ZFYVE9: variants seen among roughly 807,000 people sequenced by gnomAD.
ZFYVE9 encodes the protein zinc finger FYVE domain-containing protein 9.
A neutral mutation model predicts 126.7 loss-of-function variants in ZFYVE9; 43 were observed. The ratio of observed to expected loss-of-function variants is 0.34; its 90% CI spans 0.27 to 0.44. The LOEUF is 0.44. ZFYVE9 is among the 20% of genes least tolerant of loss of function. The pLI is 1.00. For missense variants in ZFYVE9, 1,476 were observed against 1,697.0 expected, an observed-to-expected ratio of 0.87 and a Z score of 2.29; for synonymous variants, 521 against 597.4, an observed-to-expected ratio of 0.87 and a Z score of 1.87.
At chr1:52,274,328 A>T in intron 7 of ZFYVE9, 136 bp from the exon 8 acceptor site, 1 of 1,068,786 alleles carries the variant, frequency 9.4e-7, no homozygotes, top group African/African-American at 1.6e-5. Flanking sequence ...TCCATGGGTT[A>T]ATGAATATTT....
intron 13 of ZFYVE9, among the ~76,000 whole-genome samples, chr1:52,315,458 T>C (rs1338615999): frequency 3.3e-5 from 5 of 152,018 alleles, no homozygotes; most frequent in African/African-American, 1.2e-4. Context: ...TAAATAGTAA[T>C]GTATTGCGGA....
At chr1:52,186,824 A>G (rs1644769806) in intron 1 of ZFYVE9, among the ~76,000 whole-genome samples, 1 of 152,246 alleles carries the variant, frequency 6.6e-6, no homozygotes, top group Non-Finnish European at 1.5e-5. Context: ...CAGAGATGAC[A>G]CAAACAAATG....
At chr1:52,327,499 G>A (rs966051633) in intron 13 of ZFYVE9, among the ~76,000 whole-genome samples, 2 of 151,542 alleles carry the variant, frequency 1.3e-5, no homozygotes, top group African/African-American at 4.9e-5. Flanking sequence ...CTACTCGGGA[G>A]GCTGAGGCAG....
At chr1:52,150,297 G>C (rs1644342430) in intron 1 of ZFYVE9, 1 of 152,298 alleles carries the variant, frequency 6.6e-6, no homozygotes, top group Non-Finnish European at 1.5e-5. Context: ...TGCCTAAGGA[G>C]GGGTGAACTG....
At chr1:52,155,898 T>C (rs763170341) in intron 1 of ZFYVE9, among the ~76,000 whole-genome samples, 7 of 152,238 alleles carry the variant, frequency 4.6e-5, no homozygotes, top group Non-Finnish European at 8.8e-5. Flanking sequence ...TTGCGACCAC[T>C]GGACTCTTAA....
intron 12 of ZFYVE9, among the ~76,000 whole-genome samples, chr1:52,299,781 C>T (rs1055385409): frequency 6.6e-6 from 1 of 152,196 alleles, no homozygotes; most frequent in Non-Finnish European, 1.5e-5. Flanking sequence ...TGGAGAGATG[C>T]AGTGGCAATT....
chr1:52,249,315 TA>T (rs749145966), intron 4 of ZFYVE9, among the ~76,000 whole-genome samples: 1 of 152,232 alleles, frequency 6.6e-6, no homozygotes, highest in Non-Finnish European at 1.5e-5. Flanking sequence ...ACTTGTTTTC[TA>T]TTGTTTTGAT....
intron 1 of ZFYVE9, among the ~76,000 whole-genome samples, chr1:52,174,874 C>G (rs1644609381): frequency 6.6e-6 from 1 of 152,074 alleles, no homozygotes; most frequent in Non-Finnish European, 1.5e-5. Context: ...TTCCTCCATC[C>G]TTTTATTTTG....
intron 4 of ZFYVE9, among the ~76,000 whole-genome samples, chr1:52,256,613 A>G (rs896446050): frequency 6.6e-5 from 10 of 152,176 alleles, no homozygotes; most frequent in African/African-American, 2.4e-4. Flanking sequence ...AGTTGGATAT[A>G]ATATTGAAAG....
chr1:52,203,163 G>A (rs1041033989), intron 1 of ZFYVE9, among the ~76,000 whole-genome samples: 7 of 151,380 alleles, frequency 4.6e-5, no homozygotes, highest in East Asian at 2.0e-4. Context: ...TTACTCCTCC[G>A]TAGGTATAGT....
chr1:52,322,527 A>G (rs1414139708), intron 13 of ZFYVE9, among the ~76,000 whole-genome samples: 1 of 150,374 alleles, frequency 6.7e-6, no homozygotes, highest in Admixed American at 6.6e-5. Flanking sequence ...ACAGGTGTGC[A>G]CCACCATGCC....
chr1:52,179,713 A>G (rs1208834627), intron 1 of ZFYVE9: 1 of 357,434 alleles, frequency 2.8e-6, no homozygotes, highest in African/African-American at 2.1e-5. Context: ...AGGAAAATCA[A>G]TAGAGAGTAT....
chr1:52,293,374 C>G (rs1332559000), intron 10 of ZFYVE9, 79 bp from the exon 11 acceptor site: 5 of 949,348 alleles, frequency 5.3e-6, no homozygotes, highest in African/African-American at 2.6e-5. Context: ...CAGACTCCGT[C>G]TCAAAAAAAA....
At chr1:52,206,907 A>G (rs939506447) in intron 1 of ZFYVE9, among the ~76,000 whole-genome samples, 4 of 152,156 alleles carry the variant, frequency 2.6e-5, no homozygotes, top group Non-Finnish European at 5.9e-5. Flanking sequence ...CAGCCTCCAT[A>G]ATTTTGTGAG....
At chr1:52,160,495 T>G in intron 1 of ZFYVE9, 1 of 793,998 alleles carries the variant, frequency 1.3e-6, no homozygotes. Context: ...TTTCTTCACC[T>G]GAAGCGGCTA....
intron 13 of ZFYVE9, among the ~76,000 whole-genome samples, chr1:52,319,308 C>G (rs767162053): frequency 2.0e-5 from 3 of 152,022 alleles, no homozygotes; most frequent in Admixed American, 1.3e-4. Flanking sequence ...CAATCCCAAT[C>G]AAAATACGAG....
chr1:52,266,511 C>G (rs45465801), intron 5 of ZFYVE9, 144 bp from the exon 6 acceptor site: 22,748 of 486,422 alleles, frequency 0.047, 630 homozygotes, highest in Middle Eastern at 0.13. Flanking sequence ...AATCACCTAT[C>G]TCTTTAATAC....
intron 1 of ZFYVE9, among the ~76,000 whole-genome samples, chr1:52,185,436 A>G (rs976757178): frequency 2.0e-5 from 3 of 152,216 alleles, no homozygotes; most frequent in Non-Finnish European, 4.4e-5. Flanking sequence ...ATGAAATTAT[A>G]AGCCTGGGAA....
chr1:52,248,469 G>C (rs1421491186), intron 4 of ZFYVE9, among the ~76,000 whole-genome samples: 3 of 152,158 alleles, frequency 2.0e-5, no homozygotes, highest in African/African-American at 7.2e-5. Flanking sequence ...CCAGTCCACT[G>C]ACTCAAATGT....
Sources: allele counts gnomAD v4.1 joint callset (sites outside exome capture counted in the v4.1 genomes callset), GRCh38; gene constraint gnomAD v4.1.1; transcripts MANE v1.5; gene names NCBI Gene and HGNC (gene_info 2026-07-23, HGNC 2026-07-21).